The following TTLL11 variants were observed in gnomAD, a reference collection of about 807,000 sequenced individuals.
The protein encoded by TTLL11 is tubulin tyrosine ligase like 11.
In TTLL11, 42 loss-of-function variants were observed where a neutral mutation model predicts 51.7. That is an observed-to-expected ratio of 0.81 (90% CI 0.64 to 1.05). TTLL11 has a LOEUF of 1.05. Among genes scored for constraint, TTLL11 ranks in the 50% least tolerant of loss-of-function variants. The probability of loss-of-function intolerance (pLI) is 0.00; values close to 1 mark genes in which losing one functional copy is unlikely to be tolerated. For synonymous variants in TTLL11, 381 were observed against 383.5 expected (o/e 0.99, Z 0.08); for missense variants, 799 against 940.4 (o/e 0.85, Z 1.97).
chr9:122,028,915 A>C (rs1588218216), intron 3 of TTLL11, among the ~76,000 whole-genome samples: 1 of 152,360 alleles, frequency 6.6e-6, no homozygotes, highest in African/African-American at 2.4e-5. Context: ...ACATTTCTAC[A>C]TAACCCATGG....
At chr9:121,841,378 G>T (rs543839782) in intron 8 of TTLL11, among the ~76,000 whole-genome samples, 22 of 152,300 alleles carry the variant, frequency 1.4e-4, no homozygotes, top group African/African-American at 5.3e-4. Flanking sequence ...CTCCCCATGA[G>T]ATTTTGGAAG....
chr9:121,969,351 T>C lies in TTLL11; in HGVS notation c.1481+4658A>G, dbSNP rs1232964800. On this transcript the variant is annotated intron_variant, in intron 6 of 8. Coordinates refer to ENST00000321582, the MANE Select transcript of TTLL11 (RefSeq NM_001139442.2). ...TATGCCAAGGTGGGTGTCAGCAGAG[T>C]CAAGTTCTTCCCCCGGTAGACTGCC... is the stretch of plus-strand genomic sequence containing the variant. Among the ~76,000 whole-genome samples the C allele has an allele frequency of 2.0e-5, 3 of 151,292 alleles. No homozygotes were observed. The East Asian group carries it at 5.8e-4, about 29-fold the overall frequency.
chr9:121,872,793 A>T (rs962328831), intron 6 of TTLL11, among the ~76,000 whole-genome samples: 8 of 152,166 alleles, frequency 5.3e-5, no homozygotes, highest in Admixed American at 4.6e-4. Context: ...AACTTCAACA[A>T]TGTGGAGGGT....
chr9:121,987,285 T>C (rs1168026596), intron 4 of TTLL11, among the ~76,000 whole-genome samples: 3 of 152,164 alleles, frequency 2.0e-5, no homozygotes, highest in African/African-American at 7.2e-5. Context: ...CTTACAAGTA[T>C]GTTCCATGTA....
At chr9:121,882,742 A>G (rs188174352) in intron 6 of TTLL11, among the ~76,000 whole-genome samples, 6 of 152,118 alleles carry the variant, frequency 3.9e-5, no homozygotes, top group Admixed American at 3.9e-4. Flanking sequence ...GCCAAGTCCA[A>G]ATCCTGCTCA....
At chr9:121,895,694 T>TTTGTGTCTGTGTGTG in intron 6 of TTLL11, among the ~76,000 whole-genome samples, 1 of 146,358 alleles carries the variant, frequency 6.8e-6, no homozygotes, top group African/African-American at 2.5e-5. Flanking sequence ...TGTGAATGTG[T>TTTGTGTCTGTGTGTG]GATTGTGTGG....
At chr9:122,006,989 A>AC (rs1434905771) in intron 3 of TTLL11, among the ~76,000 whole-genome samples, 98 of 138,478 alleles carry the variant, frequency 7.1e-4, no homozygotes, top group African/African-American at 2.7e-3. Flanking sequence ...GTCAAAAAAA[A>AC]AAAAAAAAAA....
chr9:121,863,828 G>A (rs1838095614), intron 7 of TTLL11, among the ~76,000 whole-genome samples: 1 of 152,196 alleles, frequency 6.6e-6, no homozygotes, highest in Admixed American at 6.5e-5. Context: ...GATGGGACGT[G>A]ACTTGCCCAA....
intron 1 of TTLL11, among the ~76,000 whole-genome samples, chr9:122,060,038 C>T (rs1845400127): frequency 6.6e-6 from 1 of 152,198 alleles, no homozygotes; most frequent in South Asian, 2.1e-4. Context: ...ACTTCCTCTT[C>T]TGCAACCAGC....
intron 3 of TTLL11, among the ~76,000 whole-genome samples, chr9:122,020,722 C>T (rs141370425): frequency 1.2e-3 from 186 of 152,308 alleles, no homozygotes; most frequent in African/African-American, 4.1e-3. Flanking sequence ...GGACCCCACA[C>T]GATGGGACTA....
At chr9:121,939,821 G>T (rs1319804853) in intron 6 of TTLL11, among the ~76,000 whole-genome samples, 2 of 152,144 alleles carry the variant, frequency 1.3e-5, no homozygotes, top group Non-Finnish European at 2.9e-5. Flanking sequence ...AGCAGGTAAG[G>T]CACCTCCGCG....
At chr9:121,976,179 G>A (rs1298325039) in intron 4 of TTLL11, among the ~76,000 whole-genome samples, 2 of 152,176 alleles carry the variant, frequency 1.3e-5, no homozygotes, top group African/African-American at 2.4e-5. Flanking sequence ...TGACACCCCT[G>A]CACAGGTGGA....
At chr9:122,047,529 C>G (rs902901325) in intron 1 of TTLL11, among the ~76,000 whole-genome samples, 15 of 151,898 alleles carry the variant, frequency 9.9e-5, no homozygotes, top group African/African-American at 3.6e-4. Context: ...CCCCCTCTCC[C>G]CAGAAGAGAA....
intron 4 of TTLL11, among the ~76,000 whole-genome samples, chr9:121,981,552 C>A (rs547559260): frequency 6.6e-6 from 1 of 152,278 alleles, no homozygotes; most frequent in East Asian, 1.9e-4. Context: ...GAAATGATTT[C>A]CCCATTGGTA....
intron 6 of TTLL11, among the ~76,000 whole-genome samples, chr9:121,965,295 C>T (rs1842367144): frequency 6.6e-6 from 1 of 152,158 alleles, no homozygotes; most frequent in Non-Finnish European, 1.5e-5. Flanking sequence ...ACTTAGAGTT[C>T]TGCAGGCTTA....
intron 1 of TTLL11, among the ~76,000 whole-genome samples, chr9:122,085,509 C>A (rs1367324952): frequency 6.6e-6 from 1 of 152,156 alleles, no homozygotes; most frequent in African/African-American, 2.4e-5. Flanking sequence ...CCCAAGATCC[C>A]AAATACAGCC....
intron 2 of TTLL11, among the ~76,000 whole-genome samples, chr9:122,035,670 T>C (rs1206607276): frequency 6.6e-6 from 1 of 152,232 alleles, no homozygotes; most frequent in African/African-American, 2.4e-5. Flanking sequence ...TGATTGCCAC[T>C]AATTCATTCA....
intron 3 of TTLL11, among the ~76,000 whole-genome samples, chr9:122,025,401 G>A (rs1844301348): frequency 6.6e-6 from 1 of 152,232 alleles, no homozygotes; most frequent in South Asian, 2.1e-4. Flanking sequence ...TGGAGGCCGA[G>A]GCAGGTGGAT....
At chr9:122,043,903 A>C (rs997020316) in intron 1 of TTLL11, among the ~76,000 whole-genome samples, 1 of 152,100 alleles carries the variant, frequency 6.6e-6, no homozygotes, top group Non-Finnish European at 1.5e-5. Context: ...ACATGTGCAC[A>C]ACGTGCAGGT....
Sources: gnomAD v4.1 joint callset for allele counts (sites outside exome capture counted in the v4.1 genomes callset) on GRCh38, gnomAD v4.1.1 for gene constraint, MANE v1.5 for transcripts, NCBI Gene and HGNC (gene_info 2026-07-23, HGNC 2026-07-21) for gene names.